TKTL1: variants seen among roughly 807,000 people sequenced by gnomAD.
TKTL1 encodes the protein transketolase-like protein 1.
TKTL1 carries 1 observed loss-of-function variant against 39.3 expected under a neutral mutation model. The ratio of observed to expected loss-of-function variants is 0.03; its 90% confidence interval spans 0.01 to 0.12. TKTL1 has a LOEUF of 0.12. Among genes scored for constraint, TKTL1 ranks in the 10% least tolerant of loss-of-function variants. The probability of loss-of-function intolerance (pLI) is 1.00; values close to 1 mark genes in which losing one functional copy is unlikely to be tolerated. For missense variants in TKTL1, 575 were observed against 509.6 expected (o/e 1.13, Z -1.24); for synonymous variants, 262 against 193.8 (o/e 1.35, Z -2.92).
intron 1 of TKTL1, among the ~76,000 whole-genome samples, chrX:154,298,699 G>A (rs868948724): frequency 2.8e-5 from 3 of 107,911 alleles, no homozygotes; most frequent in African/African-American, 3.4e-5. Context: ...GTCTCAAAAA[G>A]AAAAAAAAAT....
intron 2 of TKTL1, among the ~76,000 whole-genome samples, chrX:154,306,635 C>G (rs1355581318): frequency 9.0e-6 from 1 of 110,889 alleles, no homozygotes; most frequent in Non-Finnish European, 1.9e-5. Flanking sequence ...TTTTTTACAT[C>G]TTTTTTTGTT....
intron 1 of TKTL1, among the ~76,000 whole-genome samples, chrX:154,304,512 CTT>C (rs1167893780): frequency 5.5e-5 from 6 of 109,882 alleles, no homozygotes; most frequent in Non-Finnish European, 9.5e-5. Context: ...GGGAGAATCA[CTT>C]GAGCCCAGGA....
At position 154,311,275 on chromosome X, in the gene TKTL1, A is replaced by C. The variant is rs202018729; in HGVS notation, c.670+37A>C. ...CTTTCCTCCTGCTCCTGGTTGTTAA[A>C]AGCATCTGTCCGCTCAGCAGCAGAG... On this transcript the variant is annotated intron_variant, in intron 5 of 12. Transcript: ENST00000369915. 311 of 1,207,428 alleles carry C rather than the reference A, an allele frequency of 2.6e-4. 1 individual carries two copies. Among genetic ancestry groups the C allele is most frequent in the Non-Finnish European group, 2.7e-4 (238 of 892,951 alleles).
intron 1 of TKTL1, among the ~76,000 whole-genome samples, chrX:154,296,886 C>T (rs2067233726): frequency 8.9e-6 from 1 of 111,814 alleles, no homozygotes. Context: ...CGTGGTGGCA[C>T]GTGCCTGTAG....
At chrX:154,301,205 T>C (rs1001878606) in intron 1 of TKTL1, among the ~76,000 whole-genome samples, 7 of 110,956 alleles carry the variant, frequency 6.3e-5, no homozygotes, top group African/African-American at 9.9e-5. Context: ...AGAAAATACT[T>C]AGTGCAATAT....
At chrX:154,304,836 C>T (rs944828963) in intron 1 of TKTL1, 20 of 326,457 alleles carry the variant, frequency 6.1e-5, no homozygotes, top group Non-Finnish European at 1.0e-4. Flanking sequence ...CTAAGAGCAG[C>T]AGTTACTTTG....
rs2067354290 is a variant in TKTL1, at chrX:154,311,125, T to A, written c.557T>A (p.Val186Glu). The change falls in exon 5 of 13, where the codon GTG becomes GAG. Residue 186 changes from valine to glutamate, a missense_variant. Val to Glu is a moderately radical substitution (Grantham distance 121). Transcript: ENST00000369915. ...TCTGTTGGCAGGTGGAACACTTATG[T>A]GGTGGACGGCCGGGACGTGGAGGCA... is the stretch of plus-strand genomic sequence containing the variant. ...RCEAFGWNTYVVDGRDVEALC... is the reference protein window; with the variant it reads ...RCEAFGWNTYEVDGRDVEALC... 1 of 1,211,976 alleles carries A rather than the reference T, an allele frequency of 8.3e-7. No homozygotes were observed. The highest frequency in any genetic ancestry group is 3.0e-5 in the East Asian group (1 of 33,849).
At chrX:154,322,703 C>T (rs782208109) in intron 8 of TKTL1, among the ~76,000 whole-genome samples, 169 of 111,341 alleles carry the variant, frequency 1.5e-3, no homozygotes, top group Non-Finnish European at 1.3e-3. Flanking sequence ...ACTACGTTCC[C>T]AGATACACCC....
At chrX:154,303,083 G>A (rs1603351355) in intron 1 of TKTL1, among the ~76,000 whole-genome samples, 1 of 111,017 alleles carries the variant, frequency 9.0e-6, no homozygotes, top group African/African-American at 3.3e-5. Flanking sequence ...TTGCATTAGC[G>A]CACAAAATAA....
chrX:154,329,688 A>C lies in TKTL1; in HGVS notation c.1791A>C (p.Ter597TyrextTer4). The C allele has an allele frequency of 5.0e-6, 6 of 1,208,321 alleles. No individual in the cohort carries two copies. Among genetic ancestry groups the C allele is most frequent in the Non-Finnish European group, 6.7e-6 (6 of 892,635 alleles). The stretch of plus-strand genomic sequence containing the variant: ...CCGTGAAATGCATGTTGCTGAACTA[A>C]AATAGCTGTTAGCTTTGGTCTTTTG... ...IVAVKCMLLN[*>Y] Residue 597 changes from the stop codon to tyrosine, a stop_lost, in exon 13 of 13, where the codon TAA (stop) becomes TAC (tyrosine). Coordinates refer to ENST00000369915, the MANE Select transcript of TKTL1 (RefSeq NM_012253.4).
chrX:154,306,662 A>G (rs1569550869), intron 2 of TKTL1, among the ~76,000 whole-genome samples: 1 of 110,356 alleles, frequency 9.1e-6, no homozygotes, highest in Non-Finnish European at 1.9e-5. Flanking sequence ...TTGGGGAGGT[A>G]GAGTCTCGCT....
chrX:154,298,573 A>G (rs782290569), intron 1 of TKTL1, among the ~76,000 whole-genome samples: 1 of 111,533 alleles, frequency 9.0e-6, no homozygotes, highest in East Asian at 2.8e-4. Flanking sequence ...TTAGCTAGAC[A>G]TGGCGAGCAC....
chrX:154,296,113 G>T, intron 1 of TKTL1, 120 bp downstream of exon 1: 2 of 956,997 alleles, frequency 2.1e-6, no homozygotes, highest in Non-Finnish European at 1.4e-6. Flanking sequence ...GGGCTGTGTC[G>T]TAATGCCCTG....
At position 154,315,977 on chromosome X, in the gene TKTL1, G is replaced by A. The variant is rs145402511; in HGVS notation, c.1029+640G>A. 6.6e-3 allele frequency among the ~76,000 whole-genome samples: 733 copies of A among 111,878 alleles called. 5 individuals are homozygous for A. Among genetic ancestry groups the A allele is most frequent in the African/African-American group, 0.023 (700 of 30,789 alleles). ...CCCTTTGAACTCTAAAGCTCTGCGC[G>A]TCATAGAAGATGATGCCCAGCTCCT... On this transcript the variant is annotated intron_variant, in intron 7 of 12. Coordinates refer to ENST00000369915, the MANE Select transcript of TKTL1 (RefSeq NM_012253.4).
chrX:154,321,389 C>A (rs782781692), intron 8 of TKTL1, among the ~76,000 whole-genome samples: 53 of 107,179 alleles, frequency 4.9e-4, no homozygotes, highest in African/African-American at 1.7e-3. Flanking sequence ...GGAACTCTTA[C>A]AAACACACCC....
chrX:154,329,204 A>T (rs913368275), intron 12 of TKTL1, among the ~76,000 whole-genome samples: 2 of 112,421 alleles, frequency 1.8e-5, no homozygotes, highest in African/African-American at 6.5e-5. Flanking sequence ...CTTGCCAACC[A>T]ACAGCCTCAA....
At chrX:154,300,830 C>T (rs782511836) in intron 1 of TKTL1, among the ~76,000 whole-genome samples, 1 of 110,411 alleles carries the variant, frequency 9.1e-6, no homozygotes, top group Non-Finnish European at 1.9e-5. Context: ...GTAGCTGGGA[C>T]TACAGGTGTG....
At chrX:154,309,884 A>C (rs1001582055) in intron 3 of TKTL1, among the ~76,000 whole-genome samples, 13 of 109,142 alleles carry the variant, frequency 1.2e-4, no homozygotes, top group Non-Finnish European at 1.1e-4. Context: ...ACAGGCATGC[A>C]CCACCATGCC....
At chrX:154,322,229 CAAAAAAA>C (rs34229834) in intron 8 of TKTL1, among the ~76,000 whole-genome samples, 14 of 41,851 alleles carry the variant, frequency 3.3e-4, no homozygotes, top group African/African-American at 4.8e-4. Flanking sequence ...GAGGCTTTGT[CAAAAAAA>C]AAAAAAAAAA....
Sources: gnomAD v4.1 joint callset for allele counts (sites outside exome capture counted in the v4.1 genomes callset) on GRCh38, gnomAD v4.1.1 for gene constraint, MANE v1.5 for transcripts, NCBI Gene and HGNC (gene_info 2026-07-23, HGNC 2026-07-21) for gene names.